Variants in PTPRK observed in about 807,000 individuals in gnomAD.
PTPRK encodes the protein receptor-type tyrosine-protein phosphatase kappa.
PTPRK carries 75 observed loss-of-function variants against 178.0 expected under a neutral mutation model. The observed-to-expected ratio is 0.42, with a 90% CI of 0.35 to 0.51. The LOEUF is 0.51. Ranked by LOEUF, PTPRK falls within the 20% of genes least tolerant of loss-of-function variation. The probability of loss-of-function intolerance (pLI) is 0.02; values close to 1 mark genes in which losing one functional copy is unlikely to be tolerated. For synonymous variants in PTPRK, 637 were observed against 620.6 expected, an observed-to-expected ratio of 1.03 and a Z score of -0.39; for missense variants, 1,441 against 1,797.8, an observed-to-expected ratio of 0.80 and a Z score of 3.59.
chr6:128,495,567 C>T (rs1004709858), intron 1 of PTPRK, among the ~76,000 whole-genome samples: 1 of 152,102 alleles, frequency 6.6e-6, no homozygotes, highest in African/African-American at 2.4e-5. Flanking sequence ...TGCTCCATCA[C>T]TCCCACCTTC....
chr6:128,322,456 CAAAT>C (rs1308440897), intron 2 of PTPRK, 146 bp from the exon 3 acceptor site: 1 of 735,870 alleles, frequency 1.4e-6, no homozygotes, highest in African/African-American at 1.8e-5. Context: ...ATACATCAAT[CAAAT>C]AAGTAGATGA....
intron 2 of PTPRK, among the ~76,000 whole-genome samples, chr6:128,332,502 T>C (rs1181588486): frequency 6.6e-6 from 1 of 152,250 alleles, no homozygotes; most frequent in Non-Finnish European, 1.5e-5. Flanking sequence ...GAAGGCACAC[T>C]GACGAGAGGA....
At chr6:128,375,791 G>C (rs1347087823) in intron 2 of PTPRK, among the ~76,000 whole-genome samples, 1 of 152,144 alleles carries the variant, frequency 6.6e-6, no homozygotes, top group South Asian at 2.1e-4. Flanking sequence ...ACAGGCATTG[G>C]GTAAATACAG....
intron 11 of PTPRK, among the ~76,000 whole-genome samples, chr6:128,073,443 T>C (rs1282335658): frequency 6.6e-6 from 1 of 152,058 alleles, no homozygotes; most frequent in Non-Finnish European, 1.5e-5. Context: ...CAAGAAATCC[T>C]TATGTGATAA....
intron 1 of PTPRK, among the ~76,000 whole-genome samples, chr6:128,400,944 G>T (rs957294646): frequency 6.6e-6 from 1 of 152,174 alleles, no homozygotes; most frequent in African/African-American, 2.4e-5. Flanking sequence ...TAGGCAGAGG[G>T]AAAGAAAAAT....
At chr6:128,127,502 T>C (rs1353596830) in intron 7 of PTPRK, among the ~76,000 whole-genome samples, 2 of 152,242 alleles carry the variant, frequency 1.3e-5, no homozygotes, top group African/African-American at 4.8e-5. Context: ...ACAGACCCTA[T>C]ATGCACTGTA....
chr6:127,983,429 A>T, intron 22 of PTPRK, 52 bp from the exon 23 acceptor site: 1 of 1,579,314 alleles, frequency 6.3e-7, no homozygotes, highest in Non-Finnish European at 8.6e-7. Flanking sequence ...AGTCTTCATA[A>T]CCTTAAATAA....
At chr6:128,438,406 T>A (rs1283940670) in intron 1 of PTPRK, among the ~76,000 whole-genome samples, 2 of 152,210 alleles carry the variant, frequency 1.3e-5, no homozygotes, top group East Asian at 3.8e-4. Flanking sequence ...AGCAGGGAAT[T>A]CTGTAAGAAG....
chr6:128,326,156 G>A (rs759493388), intron 2 of PTPRK, among the ~76,000 whole-genome samples: 1 of 151,900 alleles, frequency 6.6e-6, no homozygotes, highest in Non-Finnish European at 1.5e-5. Context: ...ACACACACCA[G>A]GGCCTGTTGG....
intron 13 of PTPRK, among the ~76,000 whole-genome samples, chr6:128,033,130 A>T (rs1775627949): frequency 6.6e-6 from 1 of 152,100 alleles, no homozygotes; most frequent in African/African-American, 2.4e-5. Flanking sequence ...GTATTTCTAA[A>T]TTTTTTTCTA....
At chr6:128,234,679 T>C (rs1181397629) in intron 5 of PTPRK, among the ~76,000 whole-genome samples, 4 of 152,230 alleles carry the variant, frequency 2.6e-5, no homozygotes, top group African/African-American at 2.4e-5. Flanking sequence ...TGCTAAGCAG[T>C]ATTCCATTGT....
At chr6:127,975,864 G>A (rs1474302405) in intron 27 of PTPRK, among the ~76,000 whole-genome samples, 4 of 145,472 alleles carry the variant, frequency 2.7e-5, no homozygotes, top group Admixed American at 1.3e-4. Context: ...GTAGAGATGG[G>A]GTTTCACCAC....
At chr6:128,429,761 G>T (rs891076003) in intron 1 of PTPRK, among the ~76,000 whole-genome samples, 1 of 152,152 alleles carries the variant, frequency 6.6e-6, no homozygotes, top group Non-Finnish European at 1.5e-5. Flanking sequence ...GACTCAGAAT[G>T]TAAACTTACT....
Position 128,218,984 on chromosome 6 carries a change from C to T in PTPRK, c.806G>A (p.Arg269His), listed in dbSNP as rs768130815. Residue 269 changes from arginine (R) to histidine (H), a missense_variant, in exon 6 of 30, where the codon CGC becomes CAC. Physicochemically the swap from Arg to His is conservative, Grantham distance 29. This residue lies in a region of PTPRK where 945 missense variants were observed against 1,080.6 expected (regional missense o/e 0.87). Coordinates refer to ENST00000368226, the MANE Select transcript of PTPRK (RefSeq NM_002844.4). ...EVTKTDQDLY[R>H]CVTQSERGSG... ...ACCTCGTTCTGACTGAGTTACACAG[C>T]GATACAAATCCTGGTCAGTTTTTGT... The T allele has an allele frequency of 3.7e-6, 6 of 1,613,940 alleles. No individual in the cohort carries two copies. Among genetic ancestry groups the T allele is most frequent in the Admixed American group, 1.7e-5 (1 of 59,992 alleles).
intron 7 of PTPRK, among the ~76,000 whole-genome samples, chr6:128,090,906 C>G (rs1034964048): frequency 3.9e-5 from 6 of 152,152 alleles, no homozygotes; most frequent in Non-Finnish European, 7.3e-5. Flanking sequence ...TTTCCGATGC[C>G]TCTCTTAACT....
At chr6:128,106,371 C>T (rs1331153447) in intron 7 of PTPRK, among the ~76,000 whole-genome samples, 2 of 151,976 alleles carry the variant, frequency 1.3e-5, no homozygotes, top group African/African-American at 2.4e-5. Context: ...CCATCTTCTA[C>T]TCCCTCTGTA....
At chr6:128,044,750 C>A (rs760786500) in intron 13 of PTPRK, among the ~76,000 whole-genome samples, 1 of 151,896 alleles carries the variant, frequency 6.6e-6, no homozygotes, top group Non-Finnish European at 1.5e-5. Context: ...CACTCAAAAT[C>A]ACATTATACT....
chr6:127,975,101 T>C (rs1265013246), intron 27 of PTPRK, among the ~76,000 whole-genome samples: 1 of 152,140 alleles, frequency 6.6e-6, no homozygotes, highest in Non-Finnish European at 1.5e-5. Flanking sequence ...AAAAAAATCA[T>C]GTACTAATAA....
intron 11 of PTPRK, 77 bp downstream of exon 11, chr6:128,078,736 G>T: frequency 9.7e-7 from 1 of 1,031,414 alleles, no homozygotes; most frequent in Non-Finnish European, 1.5e-6. Flanking sequence ...ATCATCTCTG[G>T]TTTTAGGCAT....
Sources: gnomAD v4.1 joint callset for allele counts (sites outside exome capture counted in the v4.1 genomes callset) on GRCh38, gnomAD v4.1.1 for gene constraint, gnomAD v4.1.1 regional missense constraint, MANE v1.5 for transcripts, NCBI Gene and HGNC (gene_info 2026-07-23, HGNC 2026-07-21) for gene names.